The following PRUNE2 variants were observed in gnomAD, a reference collection of about 807,000 sequenced individuals.
The protein encoded by PRUNE2 is protein prune homolog 2.
In PRUNE2, 164 loss-of-function variants were observed where a neutral mutation model predicts 252.0. The observed-to-expected ratio is 0.65, with a 90% CI of 0.57 to 0.74. PRUNE2 has a LOEUF of 0.74. PRUNE2 is among the 30% of genes least tolerant of loss of function. The probability of loss-of-function intolerance (pLI) is 0.00; values close to 1 mark genes in which losing one functional copy is unlikely to be tolerated. For missense variants in PRUNE2, 3,495 were observed against 3,711.0 expected (o/e 0.94, Z 1.51); for synonymous variants, 1,292 against 1,350.2 (o/e 0.96, Z 0.94).
chr9:76,781,864 A>T (rs1323576819), intron 6 of PRUNE2, among the ~76,000 whole-genome samples: 1 of 152,180 alleles, frequency 6.6e-6, no homozygotes, highest in Non-Finnish European at 1.5e-5. Flanking sequence ...AGCAAAATGA[A>T]TGGAGATGTT....
intron 6 of PRUNE2, among the ~76,000 whole-genome samples, chr9:76,774,467 T>TA: frequency 5.6e-5 from 8 of 143,748 alleles, no homozygotes; most frequent in African/African-American, 1.5e-4. Flanking sequence ...TTTTTTTTTT[T>TA]TTTTTTTTTT....
At chr9:76,770,198 T>C (rs2052936027) in intron 6 of PRUNE2, among the ~76,000 whole-genome samples, 1 of 152,204 alleles carries the variant, frequency 6.6e-6, no homozygotes, top group Non-Finnish European at 1.5e-5. Context: ...TGAGGCAACA[T>C]TCTTTGAAGA....
At chr9:76,870,289 T>G (rs77751196) in intron 1 of PRUNE2, among the ~76,000 whole-genome samples, 1 of 151,180 alleles carries the variant, frequency 6.6e-6, no homozygotes, top group Non-Finnish European at 1.5e-5. Flanking sequence ...TTTTTTTTTT[T>G]GCAACAAGGA....
intron 6 of PRUNE2, among the ~76,000 whole-genome samples, chr9:76,796,129 C>T (rs529053925): frequency 6.6e-6 from 1 of 152,260 alleles, no homozygotes; most frequent in African/African-American, 2.4e-5. Flanking sequence ...GATATATGAT[C>T]ACTCATAAAA....
At chr9:76,621,872 GAT>G (rs1487912903) in intron 17 of PRUNE2, among the ~76,000 whole-genome samples, 3 of 151,962 alleles carry the variant, frequency 2.0e-5, no homozygotes, top group African/African-American at 7.3e-5. Context: ...TTTTTGTAGA[GAT>G]GGAGTCCTGC....
chr9:76,641,379 C>T (rs1842513284), intron 12 of PRUNE2, among the ~76,000 whole-genome samples: 1 of 152,090 alleles, frequency 6.6e-6, no homozygotes, highest in Non-Finnish European at 1.5e-5. Flanking sequence ...AGAGCCAGTG[C>T]CGTTGGCAGG....
intron 6 of PRUNE2, among the ~76,000 whole-genome samples, chr9:76,760,450 C>A (rs2130710243): frequency 6.6e-6 from 1 of 152,272 alleles, no homozygotes. Flanking sequence ...TTTCTCTAAT[C>A]TACTTTTTCC....
At chr9:76,870,685 CAAA>C (rs199892073) in intron 1 of PRUNE2, among the ~76,000 whole-genome samples, 3 of 82,312 alleles carry the variant, frequency 3.6e-5, no homozygotes, top group African/African-American at 4.1e-5. Context: ...GATTCTGTCT[CAAA>C]AAAAAAAAAA....
intron 6 of PRUNE2, among the ~76,000 whole-genome samples, chr9:76,814,144 T>C (rs539835349): frequency 1.3e-5 from 2 of 152,162 alleles, no homozygotes; most frequent in Non-Finnish European, 2.9e-5. Context: ...ATATCAGTAA[T>C]ATGTAAGAGT....
At chr9:76,718,140 A>G (rs890150) in intron 6 of PRUNE2, among the ~76,000 whole-genome samples, 105,204 of 152,078 alleles carry the variant, frequency 0.69, 36,735 homozygotes, top group East Asian at 0.91. Flanking sequence ...CTCCATTCAC[A>G]GCTGAAAGTG....
chr9:76,898,333 G>A (rs1320835322), intron 1 of PRUNE2, among the ~76,000 whole-genome samples: 4 of 152,210 alleles, frequency 2.6e-5, no homozygotes, highest in Admixed American at 1.3e-4. Flanking sequence ...ATATAAGGAA[G>A]TGTGGCTATT....
chr9:76,872,585 A>G (rs149861039), intron 1 of PRUNE2, among the ~76,000 whole-genome samples: 1 of 146,672 alleles, frequency 6.8e-6, no homozygotes, highest in African/African-American at 2.6e-5. Flanking sequence ...ACAATTTTAC[A>G]TGATGATTAT....
intron 6 of PRUNE2, chr9:76,733,453 G>C (rs1352658969): frequency 6.6e-6 from 1 of 152,202 alleles, no homozygotes; most frequent in East Asian, 1.9e-4. Context: ...CTGTTACCCA[G>C]GCTGAAGTGC....
intron 9 of PRUNE2, among the ~76,000 whole-genome samples, chr9:76,684,357 C>T (rs1260706399): frequency 6.6e-6 from 1 of 152,058 alleles, no homozygotes; most frequent in Non-Finnish European, 1.5e-5. Context: ...TCTCCCAGCA[C>T]GGTTTCTCAG....
intron 16 of PRUNE2, among the ~76,000 whole-genome samples, chr9:76,625,299 G>C (rs999337203): frequency 1.3e-5 from 2 of 152,246 alleles, no homozygotes; most frequent in East Asian, 3.9e-4. Context: ...ACTTACCATG[G>C]TGTTATAGCT....
intron 6 of PRUNE2, among the ~76,000 whole-genome samples, chr9:76,799,529 G>C (rs11145074): frequency 0.12 from 18,660 of 152,108 alleles, 1,259 homozygotes; most frequent in East Asian, 0.21. Flanking sequence ...TGTGCATGGT[G>C]GGGGAAAGAG....
chr9:76,827,767 A>T (rs1490730715), intron 4 of PRUNE2, among the ~76,000 whole-genome samples: 1 of 152,194 alleles, frequency 6.6e-6, no homozygotes, highest in Admixed American at 6.5e-5. Context: ...ACCATCAAAC[A>T]TGCTGGAAAG....
intron 6 of PRUNE2, among the ~76,000 whole-genome samples, chr9:76,760,278 C>A (rs2051574267): frequency 6.6e-6 from 1 of 152,146 alleles, no homozygotes; most frequent in East Asian, 1.9e-4. Flanking sequence ...CTCACATTTT[C>A]TCCATCACAC....
chr9:76,726,581 G>A (rs1230498503), intron 6 of PRUNE2, among the ~76,000 whole-genome samples: 2 of 152,160 alleles, frequency 1.3e-5, no homozygotes, highest in South Asian at 4.1e-4. Context: ...TCCAATTAAG[G>A]AGGGTATTAA....
Sources: gnomAD v4.1 joint callset for allele counts (sites outside exome capture counted in the v4.1 genomes callset) on GRCh38, gnomAD v4.1.1 for gene constraint, MANE v1.5 for transcripts, NCBI Gene and HGNC (gene_info 2026-07-23, HGNC 2026-07-21) for gene names.